Variants in DCAF6 observed in about 807,000 individuals in gnomAD.
DCAF6 encodes the protein DDB1 and CUL4 associated factor 6.
DCAF6 carries 54 observed loss-of-function variants against 125.1 expected under a neutral mutation model. The observed-to-expected ratio is 0.43, with a 90% CI of 0.35 to 0.54. DCAF6 has a LOEUF of 0.54. Ranked by LOEUF, DCAF6 falls within the 20% of genes least tolerant of loss-of-function variation. The pLI is 0.01. For missense variants in DCAF6, 934 were observed against 1,161.7 expected (o/e 0.80, Z 2.85); for synonymous variants, 371 against 390.4 (o/e 0.95, Z 0.58).
chr1:167,905,128 T>C, the DCAF6 span: 2 of 1,614,228 alleles, frequency 1.2e-6, no homozygotes, highest in African/African-American at 2.7e-5. Flanking sequence ...AATTCTTCTT[T>C]TGGAGTGTTC....
intron 17 of DCAF6, among the ~76,000 whole-genome samples, chr1:168,061,238 G>A (rs1341071444): frequency 2.0e-5 from 3 of 152,094 alleles, no homozygotes; most frequent in African/African-American, 7.2e-5. Context: ...AATGTATGTG[G>A]AGATTCCTTT....
intron 7 of DCAF6, among the ~76,000 whole-genome samples, chr1:167,994,078 TAATA>T (rs1190596533): frequency 3.9e-5 from 6 of 152,050 alleles, no homozygotes; most frequent in Non-Finnish European, 8.8e-5. Flanking sequence ...GTGTTATAAT[TAATA>T]GTAAATAATT....
chr1:168,000,362 C>T (rs985843794), intron 7 of DCAF6, among the ~76,000 whole-genome samples: 1 of 152,066 alleles, frequency 6.6e-6, no homozygotes, highest in Non-Finnish European at 1.5e-5. Context: ...AAAATGAGCA[C>T]ATGCTATTGG....
chr1:167,887,148 A>G, the DCAF6 span, among the ~76,000 whole-genome samples: 1 of 152,168 alleles, frequency 6.6e-6, no homozygotes, highest in Admixed American at 6.5e-5. Flanking sequence ...CGATTCCTCA[A>G]GGATCTAGAA....
chr1:168,060,394 C>T (rs1572145171), intron 17 of DCAF6, among the ~76,000 whole-genome samples: 1 of 152,094 alleles, frequency 6.6e-6, no homozygotes, highest in African/African-American at 2.4e-5. Flanking sequence ...CTGTGTTGCC[C>T]AGGCTGGTCT....
chr1:167,993,850 A>G (rs549287697), intron 7 of DCAF6, among the ~76,000 whole-genome samples: 2 of 152,344 alleles, frequency 1.3e-5, no homozygotes, highest in East Asian at 1.9e-4. Context: ...GCCAAAAAAA[A>G]AAATTAATTT....
Position 168,065,338 on chromosome 1 carries a change from G to A in DCAF6, c.2440-252G>A, listed in dbSNP as rs141678868. Among the ~76,000 whole-genome samples the A allele has an allele frequency of 3.2e-3, 489 of 151,848 alleles. 3 individuals are homozygous for A. The highest frequency in any genetic ancestry group is 6.8e-3 in the Middle Eastern group (2 of 292). ...GTCAGTTTTTTTTTTTATAGATAGGGGATCTCACTATATTGCCCAGGCTGG... is the reference window on the plus strand; with the variant it reads ...GTCAGTTTTTTTTTTTATAGATAGGAGATCTCACTATATTGCCCAGGCTGG... On this transcript the variant is annotated intron_variant, in intron 18 of 21. Transcript: ENST00000367840.
intron 16 of DCAF6, among the ~76,000 whole-genome samples, chr1:168,049,654 T>A (rs1689632156): frequency 7.6e-6 from 1 of 131,062 alleles, no homozygotes; most frequent in Non-Finnish European, 1.6e-5. Flanking sequence ...TAATTTTTTT[T>A]TTTTTTTTTT....
At chr1:167,947,344 G>GT (rs144892077) in intron 1 of DCAF6, among the ~76,000 whole-genome samples, 2,009 of 140,338 alleles carry the variant, frequency 0.014, 24 homozygotes, top group African/African-American at 0.025. Flanking sequence ...CCTTTTGTGG[G>GT]TTTTTTTTTT....
intron 3 of DCAF6, among the ~76,000 whole-genome samples, chr1:167,969,041 T>C (rs1444710928): frequency 6.6e-6 from 1 of 152,170 alleles, no homozygotes; most frequent in Non-Finnish European, 1.5e-5. Context: ...AATATAGATT[T>C]ATATGTTGGT....
At chr1:167,890,403 C>T in the DCAF6 span, among the ~76,000 whole-genome samples, 1 of 152,274 alleles carries the variant, frequency 6.6e-6, no homozygotes, top group South Asian at 2.1e-4. Flanking sequence ...TTCTCCCAAA[C>T]AAATGGAGTC....
chr1:167,940,868 A>G (rs1421512101), intron 1 of DCAF6, among the ~76,000 whole-genome samples: 1 of 152,180 alleles, frequency 6.6e-6, no homozygotes, highest in Non-Finnish European at 1.5e-5. Flanking sequence ...AAATGTGTAA[A>G]TTATGATTAG....
chr1:167,882,705 G>A, the DCAF6 span, among the ~76,000 whole-genome samples: 2 of 73,630 alleles, frequency 2.7e-5, no homozygotes, highest in South Asian at 3.1e-4. Context: ...TGTGTAGTGA[G>A]AGGTAGCCCA....
chr1:167,984,315 G>A (rs762342207), intron 4 of DCAF6, among the ~76,000 whole-genome samples: 2 of 152,120 alleles, frequency 1.3e-5, no homozygotes, highest in Admixed American at 6.5e-5. Flanking sequence ...GTGAGGAAAG[G>A]TTCCTAAATG....
the DCAF6 span, among the ~76,000 whole-genome samples, chr1:167,882,484 C>CAAAAAAAAAAA: frequency 1.4e-5 from 1 of 71,136 alleles, no homozygotes; most frequent in African/African-American, 5.0e-5. Context: ...GATTCCGTCT[C>CAAAAAAAAAAA]AAAAAAAAAA....
At chr1:167,976,757 G>A (rs570045619) in intron 4 of DCAF6, among the ~76,000 whole-genome samples, 71 of 151,668 alleles carry the variant, frequency 4.7e-4, no homozygotes, top group Middle Eastern at 6.9e-3. Flanking sequence ...AGATGTTATT[G>A]GTTTACTGTT....
chr1:167,961,196 A>G (rs1444068880), intron 2 of DCAF6, among the ~76,000 whole-genome samples: 1 of 152,102 alleles, frequency 6.6e-6, no homozygotes, highest in Non-Finnish European at 1.5e-5. Flanking sequence ...CTTGTATCCT[A>G]TTACTTTGCT....
intron 3 of DCAF6, chr1:167,969,333 G>A (rs1337136032): frequency 6.6e-6 from 1 of 152,132 alleles, no homozygotes; most frequent in East Asian, 1.9e-4. Flanking sequence ...ATTTTTATCA[G>A]TTTACAAACA....
the DCAF6 span, among the ~76,000 whole-genome samples, chr1:167,916,333 A>C: frequency 6.6e-6 from 1 of 152,138 alleles, no homozygotes; most frequent in Non-Finnish European, 1.5e-5. Context: ...CAGCCTCTGG[A>C]GTAGCTGGGA....
Sources: allele counts gnomAD v4.1 joint callset (sites outside exome capture counted in the v4.1 genomes callset), GRCh38; gene constraint gnomAD v4.1.1; transcripts MANE v1.5; gene names NCBI Gene and HGNC (gene_info 2026-07-23, HGNC 2026-07-21).